Variants in TECPR2 observed in about 807,000 individuals in gnomAD.
TECPR2 encodes the protein tectonin beta-propeller repeat-containing protein 2.
TECPR2 carries 65 observed loss-of-function variants against 138.1 expected under a neutral mutation model. The observed-to-expected ratio is 0.47, with a 90% CI of 0.39 to 0.58. The LOEUF (loss-of-function observed/expected upper bound fraction) is 0.58. TECPR2 is among the 20% of genes least tolerant of loss of function. TECPR2 has a pLI of 0.00. For synonymous variants in TECPR2, 746 were observed against 749.8 expected, an observed-to-expected ratio of 0.99 and a Z score of 0.08; for missense variants, 1,553 against 1,824.5, an observed-to-expected ratio of 0.85 and a Z score of 2.71.
At chr14:102,432,315 A>G (rs950440372) in intron 8 of TECPR2, among the ~76,000 whole-genome samples, 187 bp downstream of exon 8, 10 of 152,104 alleles carry the variant, frequency 6.6e-5, no homozygotes, top group African/African-American at 2.4e-4. Flanking sequence ...ACACACACAC[A>G]CACACACTGT....
At chr14:102,389,502 A>G (rs1888108055) in intron 2 of TECPR2, among the ~76,000 whole-genome samples, 1 of 152,340 alleles carries the variant, frequency 6.6e-6, no homozygotes, top group Middle Eastern at 3.4e-3. Flanking sequence ...GAAAAGATAC[A>G]TAGATCACTG....
intron 7 of TECPR2, among the ~76,000 whole-genome samples, chr14:102,431,489 C>T (rs1290777915): frequency 6.6e-6 from 1 of 152,022 alleles, no homozygotes; most frequent in African/African-American, 2.4e-5. Flanking sequence ...ACCCCCGGCG[C>T]CCGCCACCAT....
intron 13 of TECPR2, among the ~76,000 whole-genome samples, chr14:102,448,216 TCC>T (rs2139749485): frequency 6.6e-6 from 1 of 152,264 alleles, no homozygotes; most frequent in Admixed American, 6.5e-5. Context: ...TGCCTTGGCC[TCC>T]CAAAGTGCTG....
rs145492109 is a variant in TECPR2 at position 102,499,097 on chromosome 14, C to A, written c.*840C>A. 3 of 702,996 alleles carry A rather than the reference C, an allele frequency of 4.3e-6. No individual in the cohort carries two copies. In the South Asian group the frequency reaches 4.4e-5, roughly 10 times the overall value. 43.5% of individuals were successfully genotyped at this position (702,996 alleles called of 1,614,324 possible). On this transcript the variant is annotated 3_prime_UTR_variant, in exon 20 of 20. Coordinates refer to ENST00000359520, the MANE Select transcript of TECPR2 (RefSeq NM_014844.5). The stretch of plus-strand genomic sequence containing the variant: ...CGCAGGCTGCCCGCCTCCTGGAGAG[C>A]ACACTTCAGCTGAAACAGTAAAGCC...
In TECPR2 at chr14:102,428,399, A is replaced by T. The variant is rs750224898; in HGVS notation, c.1084+17A>T. On this transcript the variant is annotated intron_variant, in intron 7 of 19. Coordinates refer to ENST00000359520, the MANE Select transcript of TECPR2 (RefSeq NM_014844.5). The stretch of plus-strand genomic sequence containing the variant: ...CATCAACAGGTTTGTATTTATTATA[A>T]AATGTACCATGTATATGATGGGAAG... 2 of 1,607,880 alleles carry T rather than the reference A, an allele frequency of 1.2e-6. No individual in the cohort carries two copies. Among genetic ancestry groups the T allele is most frequent in the Admixed American group, 3.4e-5 (2 of 58,228 alleles).
chr14:102,471,032 T>C (rs1890643966), intron 17 of TECPR2, among the ~76,000 whole-genome samples: 2 of 152,114 alleles, frequency 1.3e-5, no homozygotes, highest in African/African-American at 4.8e-5. Context: ...TTGAATAGGA[T>C]GGTTTTGATC....
At chr14:102,426,914 T>G (rs1467224364) in intron 6 of TECPR2, among the ~76,000 whole-genome samples, 3 of 152,170 alleles carry the variant, frequency 2.0e-5, no homozygotes, top group Admixed American at 1.3e-4. Context: ...AACATGAAGT[T>G]CATCTTCTCC....
At position 102,499,298 on chromosome 14, in the gene TECPR2, G is replaced by A; in HGVS notation, c.*1041G>A. ...CCTAAAACCAGATGCATCCTCAGAG[G>A]ACGAGTCTACTAATTATTGCCTTTG... On this transcript the variant is annotated 3_prime_UTR_variant, in exon 20 of 20. Transcript: ENST00000359520. 1 of 625,332 alleles carries A rather than the reference G, an allele frequency of 1.6e-6. No homozygotes were observed. Among genetic ancestry groups the A allele is most frequent in the Middle Eastern group, 2.5e-4 (1 of 3,990 alleles). The allele number at this position is 625,332 out of a possible 1,614,324, so 38.7% of individuals were successfully genotyped here.
intron 17 of TECPR2, among the ~76,000 whole-genome samples, chr14:102,496,036 G>A (rs1390093411): frequency 6.6e-6 from 1 of 152,262 alleles, no homozygotes; most frequent in Non-Finnish European, 1.5e-5. Flanking sequence ...TGTATTCACG[G>A]CAGCCCTGAG....
chr14:102,458,636 T>C (rs1468772469), intron 16 of TECPR2, among the ~76,000 whole-genome samples: 1 of 152,122 alleles, frequency 6.6e-6, no homozygotes, highest in East Asian at 1.9e-4. Flanking sequence ...CTTGAACTCC[T>C]GCCCTTCCCT....
chr14:102,493,368 C>T (rs1326647399), intron 17 of TECPR2, among the ~76,000 whole-genome samples: 2 of 151,844 alleles, frequency 1.3e-5, no homozygotes, highest in Non-Finnish European at 2.9e-5. Context: ...GGAGCCTCTC[C>T]TCCACATAGC....
intron 2 of TECPR2, among the ~76,000 whole-genome samples, chr14:102,377,319 TA>T (rs1382899610): frequency 6.6e-6 from 1 of 152,164 alleles, no homozygotes; most frequent in Admixed American, 6.5e-5. Flanking sequence ...CACACCCAGC[TA>T]GTTTTTGTTT....
At chr14:102,431,626 G>A (rs1279638834) in intron 7 of TECPR2, among the ~76,000 whole-genome samples, 170 bp from the exon 8 acceptor site, 2 of 152,224 alleles carry the variant, frequency 1.3e-5, no homozygotes, top group East Asian at 3.8e-4. Flanking sequence ...ACAGGCGTGA[G>A]TCACCGTGCC....
At chr14:102,495,668 G>GT (rs1891260409) in intron 17 of TECPR2, among the ~76,000 whole-genome samples, 1 of 152,234 alleles carries the variant, frequency 6.6e-6, no homozygotes, top group South Asian at 2.1e-4. Flanking sequence ...GTGGTGACTG[G>GT]TGGTGATGTG....
chr14:102,425,801 C>G (rs562814262), intron 6 of TECPR2, among the ~76,000 whole-genome samples: 2 of 151,168 alleles, frequency 1.3e-5, no homozygotes, highest in Non-Finnish European at 2.9e-5. Context: ...GTCTTGAACT[C>G]CTGACCTCGT....
At chr14:102,411,699 C>CAAAAAAAAAAAAAAAAAAAAAAAAAAAAA (rs1173849759) in intron 4 of TECPR2, among the ~76,000 whole-genome samples, 4 of 46,874 alleles carry the variant, frequency 8.5e-5, no homozygotes, top group African/African-American at 1.3e-4. Context: ...CCATGTTGCT[C>CAAAAAAAAAAAAAAAAAAAAAAAAAAAAA]AAAAAAAAAA....
intron 10 of TECPR2, 140 bp downstream of exon 10, chr14:102,438,345 C>A: frequency 9.0e-7 from 1 of 1,112,562 alleles, no homozygotes; most frequent in Non-Finnish European, 1.2e-6. Flanking sequence ...ACCAGGTTTG[C>A]CTCTTCAGGA....
At chr14:102,364,328 TTTG>T (rs757069228) in intron 1 of TECPR2, among the ~76,000 whole-genome samples, 19 of 152,318 alleles carry the variant, frequency 1.2e-4, no homozygotes, top group Admixed American at 1.3e-4. Context: ...TGACCTTATT[TTTG>T]TTGTTGTTGT....
Position 102,438,158 on chromosome 14 carries a change from G to A in TECPR2, c.2531G>A (p.Trp844Ter). ...CSALPGAGLR[W>*]QKFEDAVQQV... is the part of the protein sequence containing the mutation. ...GCGTTGCCGGGCGCCGGGCTGCGCTGGCAGAAGTTTGAAGATGCTGTCCAG... is the reference window on the plus strand; with the variant it reads ...GCGTTGCCGGGCGCCGGGCTGCGCTAGCAGAAGTTTGAAGATGCTGTCCAG... The change falls in exon 10 of 20, where the codon TGG becomes TAG. Residue 844 changes from tryptophan to a stop codon, truncating the protein, a stop_gained. Coordinates refer to ENST00000359520, the MANE Select transcript of TECPR2 (RefSeq NM_014844.5). LOFTEE classifies it high-confidence loss of function. 1 of 1,613,166 alleles carries A rather than the reference G, an allele frequency of 6.2e-7. No individual in the cohort carries two copies. The highest frequency in any genetic ancestry group is 2.2e-5 in the East Asian group (1 of 44,878).
Sources: gnomAD v4.1 joint callset for allele counts (sites outside exome capture counted in the v4.1 genomes callset) on GRCh38, gnomAD v4.1.1 for gene constraint, MANE v1.5 for transcripts, NCBI Gene and HGNC (gene_info 2026-07-23, HGNC 2026-07-21) for gene names.